The following PLIN3 variants were observed in gnomAD, a reference collection of about 807,000 sequenced individuals.
The protein encoded by PLIN3 is perilipin-3.
Under a neutral mutation model 35.9 loss-of-function variants are expected in PLIN3, and 30 were observed. That is an observed-to-expected ratio of 0.84 (90% CI 0.62 to 1.13). The LOEUF is 1.13. PLIN3 is among the 50% of genes most tolerant of loss of function. The probability of loss-of-function intolerance (pLI) is 0.00; values close to 1 mark genes in which losing one functional copy is unlikely to be tolerated. For synonymous variants in PLIN3, 261 were observed against 262.5 expected (o/e 0.99, Z 0.06); for missense variants, 603 against 596.9 (o/e 1.01, Z -0.11).
At chr19:4,847,574 G>C (rs948766388) in intron 6 of PLIN3, 117 bp downstream of exon 6, 1 of 825,580 alleles carries the variant, frequency 1.2e-6, no homozygotes, top group African/African-American at 1.7e-5. Context: ...CCAGGAGCAA[G>C]CGGGAATGGC....
At chr19:4,858,293 A>AAC (rs2030539870) in intron 4 of PLIN3, among the ~76,000 whole-genome samples, 1 of 150,824 alleles carries the variant, frequency 6.6e-6, no homozygotes, top group Admixed American at 6.6e-5. Flanking sequence ...AAAAAAAAAA[A>AAC]AGTGAGGCCC....
chr19:4,851,425 T>C (rs550251276), intron 5 of PLIN3, among the ~76,000 whole-genome samples: 31 of 152,052 alleles, frequency 2.0e-4, no homozygotes, highest in African/African-American at 5.8e-4. Context: ...GATCACGCCA[T>C]TGCACTCCAG....
chr19:4,847,541 T>C, intron 6 of PLIN3, 150 bp downstream of exon 6: 1 of 696,816 alleles, frequency 1.4e-6, no homozygotes, highest in South Asian at 1.6e-5. Context: ...CCTGAGCAAA[T>C]GAGTGTACAA....
chr19:4,843,014 A>G (rs2029951372), intron 7 of PLIN3, among the ~76,000 whole-genome samples: 1 of 151,134 alleles, frequency 6.6e-6, no homozygotes, highest in African/African-American at 2.4e-5. Context: ...TGCGGTCAGG[A>G]GTTTGAGACC....
intron 1 of PLIN3, among the ~76,000 whole-genome samples, chr19:4,862,571 C>G (rs1339949374): frequency 6.6e-6 from 1 of 152,126 alleles, no homozygotes; most frequent in Non-Finnish European, 1.5e-5. Flanking sequence ...TAAAAGGCTC[C>G]CAGGCAGTGT....
Position 4,847,875 on chromosome 19 carries a change from G to A in PLIN3, c.650C>T (p.Ser217Phe), listed in dbSNP as rs1430450517. ...TDAELARIATSLDGFDVASVQ... is the reference protein window; with the variant it reads ...TDAELARIATFLDGFDVASVQ... The stretch of plus-strand genomic sequence containing the variant: ...GGACGCGACGTCAAAGCCATCCAGG[G>A]ATGTGGCGATGCGGGCTGCAAGGAA... The change falls in exon 6 of 8, where the codon TCC becomes TTC. Residue 217 changes from serine to phenylalanine, a missense_variant. By Grantham distance (155) the Ser-to-Phe change is radical (BLOSUM62 -2). Coordinates refer to ENST00000221957, the MANE Select transcript of PLIN3 (RefSeq NM_005817.5). 6.2e-7 allele frequency: 1 copy of A among 1,613,614 alleles called. No individual in the cohort carries two copies.
intron 5 of PLIN3, among the ~76,000 whole-genome samples, chr19:4,848,963 G>A (rs889144559): frequency 3.9e-5 from 6 of 152,016 alleles, no homozygotes; most frequent in African/African-American, 1.4e-4. Flanking sequence ...TATTTTTCCT[G>A]TACTTTTTCT....
At chr19:4,839,858 G>A (rs2029872147) in intron 7 of PLIN3, among the ~76,000 whole-genome samples, 1 of 151,360 alleles carries the variant, frequency 6.6e-6, no homozygotes, top group South Asian at 2.1e-4. Flanking sequence ...GTAGAGACGG[G>A]GTTTCACCGT....
At position 4,839,536 on chromosome 19, in the gene PLIN3, G is replaced by T; in HGVS notation, c.961C>A (p.Gln321Lys). 6.6e-7 allele frequency: 1 copy of T among 1,515,370 alleles called. No homozygotes were observed. The highest frequency in any genetic ancestry group is 8.9e-7 in the Non-Finnish European group (1 of 1,129,270). 93.9% of individuals were successfully genotyped at this position (1,515,370 alleles called of 1,614,324 possible). A position where few individuals can be genotyped will look rare whatever the true frequency, so the allele number is the denominator to read the frequency against. The change falls in exon 8 of 8, where the codon CAG (glutamine) becomes AAG (lysine). Residue 321 changes from glutamine (Q) to lysine (K), a missense_variant and splice_region_variant. By Grantham distance (53) the Gln-to-Lys change is moderately conservative. Coordinates refer to ENST00000221957, the MANE Select transcript of PLIN3 (RefSeq NM_005817.5). ...GPEKEPPKPE[Q>K]VESRALTMFR... The stretch of plus-strand genomic sequence containing the variant: ...ATGGTGAGCGCCCGGGACTCGACCT[G>T]CTGAGAAGGGAGATGGGGACACCAA...
At chr19:4,839,614 G>A in intron 7 of PLIN3, 78 bp from the exon 8 acceptor site, 1 of 1,157,794 alleles carries the variant, frequency 8.6e-7, no homozygotes, top group Non-Finnish European at 1.2e-6. Flanking sequence ...AGGGAAAGAG[G>A]GGAAGAGGGG....
chr19:4,839,532 AC>A lies in PLIN3; in HGVS notation c.964del (p.Val322SerfsTer34). The stretch of plus-strand genomic sequence containing the variant: ...GAACATGGTGAGCGCCCGGGACTCG[AC>A]CTGCTGAGAAGGGAGATGGGGACAC... ...PEKEPPKPEQ[V>X]ESRALTMFRD... On this transcript the variant is annotated frameshift_variant, in exon 8 of 8. Transcript: ENST00000221957. LOFTEE classifies it low-confidence loss of function (END_TRUNC). The A allele has an allele frequency of 6.6e-7, 1 of 1,520,178 alleles. No homozygotes were observed. Among genetic ancestry groups the A allele is most frequent in the Non-Finnish European group, 8.8e-7 (1 of 1,130,892 alleles). The allele number at this position is 1,520,178 out of a possible 1,614,324, so 94.2% of individuals were successfully genotyped here.
rs544141807 is a variant in PLIN3, at chr19:4,860,108, C to T, written c.67-84G>A. 2.1e-4 allele frequency: 252 copies of T among 1,213,890 alleles called. 1 individual carries two copies. The highest frequency in any genetic ancestry group is 2.2e-4 in the Non-Finnish European group (186 of 835,002). 75.2% of individuals were successfully genotyped at this position (1,213,890 alleles called of 1,614,324 possible). A position where few individuals can be genotyped will look rare whatever the true frequency, so the allele number is the denominator to read the frequency against. On this transcript the variant is annotated intron_variant, in intron 2 of 7. Coordinates refer to ENST00000221957, the MANE Select transcript of PLIN3 (RefSeq NM_005817.5). ...AAACTCAGGGTGCCCTGCAGTTTTGCTCTTACTCCTGGCCAGTGAAACGGC... is the reference window on the plus strand; with the variant it reads ...AAACTCAGGGTGCCCTGCAGTTTTGTTCTTACTCCTGGCCAGTGAAACGGC...
In PLIN3 at chr19:4,839,452, G is replaced by C; in HGVS notation, c.1045C>G (p.Gln349Glu). The stretch of plus-strand genomic sequence containing the variant: ...TCCTTCACATTGGTGGGGAGGCCCT[G>C]AATGCTGGACCCCAGGGAGGTACAG... The part of the protein sequence containing the change: ...ATCTSLGSSI[Q>E]GLPTNVKDQV... The change falls in exon 8 of 8, where the codon CAG becomes GAG. Residue 349 changes from glutamine (Q) to glutamate (E), a missense_variant. Coordinates refer to ENST00000221957, the MANE Select transcript of PLIN3 (RefSeq NM_005817.5). The C allele has an allele frequency of 6.3e-7, 1 of 1,591,130 alleles. No individual in the cohort carries two copies. Among genetic ancestry groups the C allele is most frequent in the Non-Finnish European group, 8.6e-7 (1 of 1,164,580 alleles).
intron 1 of PLIN3, among the ~76,000 whole-genome samples, chr19:4,863,828 A>C (rs2030754588): frequency 1.2e-5 from 1 of 85,178 alleles, no homozygotes. Flanking sequence ...ACTCCATCTC[A>C]AAAAAAAAAA....
chr19:4,863,929 G>A (rs1249855098), intron 1 of PLIN3, among the ~76,000 whole-genome samples: 1 of 151,940 alleles, frequency 6.6e-6, no homozygotes. Flanking sequence ...TGTTAAATAG[G>A]GCAAACTTTC....
rs574992524 is a variant in PLIN3, at chr19:4,844,696, C to T, written c.932G>A (p.Gly311Asp). 7 of 1,609,534 alleles carry T rather than the reference C, an allele frequency of 4.3e-6. No individual in the cohort carries two copies. In the African/African-American group the frequency reaches 8.0e-5, roughly 18 times the overall value. The change falls in exon 7 of 8, where the codon GGC becomes GAC. Residue 311 changes from glycine (G) to aspartate (D), a missense_variant. Gly to Asp is a moderately conservative substitution (Grantham distance 94). Transcript: ENST00000221957. Reference protein sequence around the residue: ...WLSWNQKQLQGPEKEPPKPEQ... With the variant: ...WLSWNQKQLQDPEKEPPKPEQ... ...TGGCTTGGGCGGCTCCTTCTCGGGG[C>T]CCTGGAGCTGCTTCTGGTTCCAGCT...
At chr19:4,865,270 C>T (rs1160295044) in intron 1 of PLIN3, among the ~76,000 whole-genome samples, 1 of 151,892 alleles carries the variant, frequency 6.6e-6, no homozygotes, top group African/African-American at 2.4e-5. Context: ...GGGCAGATCA[C>T]CTAAGGTCGG....
chr19:4,843,331 C>T lies in PLIN3; in HGVS notation c.960+1337G>A, dbSNP rs559896083. On this transcript the variant is annotated intron_variant, in intron 7 of 7. Coordinates refer to ENST00000221957, the MANE Select transcript of PLIN3 (RefSeq NM_005817.5). ...ACCATCCCGGGTAACACGGTGAAAT[C>T]GCGTCTCTACTAAAAATACAAAAAA... 6.5e-4 allele frequency among the ~76,000 whole-genome samples: 98 copies of T among 151,902 alleles called. 2 individuals carry two copies. Among genetic ancestry groups the T allele is most frequent in the African/African-American group, 2.3e-3 (97 of 41,428 alleles).
intron 6 of PLIN3, 37 bp from the exon 7 acceptor site, chr19:4,844,830 C>T (rs1349848989): frequency 2.6e-6 from 4 of 1,550,166 alleles, no homozygotes; most frequent in African/African-American, 1.4e-5. Flanking sequence ...GAAGGAGGCT[C>T]CCCTGGGAGA....
Sources: allele counts gnomAD v4.1 joint callset (sites outside exome capture counted in the v4.1 genomes callset), GRCh38; gene constraint gnomAD v4.1.1; transcripts MANE v1.5; gene names NCBI Gene and HGNC (gene_info 2026-07-23, HGNC 2026-07-21).